The following TMEM143 variants were observed in gnomAD, a reference collection of about 807,000 sequenced individuals.
The protein encoded by TMEM143 is transmembrane protein 143.
In TMEM143, 45 loss-of-function variants were observed where a neutral mutation model predicts 40.3. That is an observed-to-expected ratio of 1.12 (90% confidence interval 0.88 to 1.43). The LOEUF (loss-of-function observed/expected upper bound fraction) is 1.43, where lower values mean the gene tolerates loss of function less well. Ranked by LOEUF, TMEM143 falls within the 40% of genes most tolerant of loss-of-function variation. The pLI is 0.00. For synonymous variants in TMEM143, 299 were observed against 282.7 expected, an observed-to-expected ratio of 1.06 and a Z score of -0.58; for missense variants, 620 against 613.4, an observed-to-expected ratio of 1.01 and a Z score of -0.11.
chr19:48,354,770 C>T (rs1969849186), intron 3 of TMEM143, among the ~76,000 whole-genome samples: 1 of 152,122 alleles, frequency 6.6e-6, no homozygotes, highest in African/African-American at 2.4e-5. Context: ...CCAAGGTCAC[C>T]CGCACCACTA....
At chr19:48,339,873 C>T (rs915238056) in intron 6 of TMEM143, among the ~76,000 whole-genome samples, 6 of 151,992 alleles carry the variant, frequency 3.9e-5, no homozygotes, top group Non-Finnish European at 7.4e-5. Context: ...GGATTTCAGG[C>T]ATGCGCCACC....
At chr19:48,344,428 G>A (rs916053499) in intron 4 of TMEM143, among the ~76,000 whole-genome samples, 7 of 150,878 alleles carry the variant, frequency 4.6e-5, no homozygotes, top group African/African-American at 1.7e-4. Context: ...AGCTGGGACT[G>A]CAGGCCCGCA....
In TMEM143 at chr19:48,363,908, G is replaced by C. The variant is rs199932734; in HGVS notation, c.13C>G (p.Leu5Val). 6.2e-7 allele frequency: 1 copy of C among 1,613,864 alleles called. No individual in the cohort carries two copies. The highest frequency in any genetic ancestry group is 1.3e-5 in the African/African-American group (1 of 75,032). Reference protein sequence around the residue: MTVELWLRLRGKGLA... With the variant: MTVEVWLRLRGKGLA... ...CGATTTCTCCCTCACCTTAGCCAAA[G>C]CTCGACTGTCATTGAGCCTCCTGCG... The change falls in exon 1 of 8, where the codon CTT (leucine) becomes GTT (valine). Residue 5 changes from leucine (L) to valine (V), a missense_variant. Physicochemically the swap from Leu to Val is conservative, Grantham distance 32. Coordinates refer to ENST00000293261, the MANE Select transcript of TMEM143 (RefSeq NM_018273.4).
In TMEM143 at chr19:48,363,283, G is replaced by C; in HGVS notation, c.264+8C>G. 6.2e-7 allele frequency: 1 copy of C among 1,612,000 alleles called. No homozygotes were observed. Among genetic ancestry groups the C allele is most frequent in the Non-Finnish European group, 8.5e-7 (1 of 1,178,866 alleles). On this transcript the variant is annotated splice_region_variant and intron_variant, in intron 2 of 7. Coordinates refer to ENST00000293261, the MANE Select transcript of TMEM143 (RefSeq NM_018273.4). ...TCCCCAGGCTCTTGGGCCTGGGACA[G>C]GCGGTACCTGTATTAGGAGGCGGAG... is the stretch of plus-strand genomic sequence containing the variant.
At chr19:48,345,017 C>A (rs275581) in intron 4 of TMEM143, 143 bp downstream of exon 4, 682,910 of 861,430 alleles carry the variant, frequency 0.79, 271,537 homozygotes, top group Admixed American at 0.88. Flanking sequence ...CAAAAGTAGC[C>A]CCTTCTCTGA....
rs761520512 is a variant in TMEM143, at chr19:48,342,735, G to A, written c.770C>T (p.Thr257Met). The change falls in exon 6 of 8, where the codon ACG (threonine) becomes ATG (methionine). Residue 257 changes from threonine (T) to methionine (M), a missense_variant. Physicochemically the swap from Thr to Met is moderately conservative, Grantham distance 81 (BLOSUM62 -1). Transcript: ENST00000293261. ...GHLVLKSFKD[T>M]PLEGLEQLLP... ...CAGCTGCTCCAGGCCTTCCAGCGGC[G>A]TGTCCTTGAAACTCTTCAGTACCAG... 14 of 1,614,116 alleles carry A rather than the reference G, an allele frequency of 8.7e-6. No homozygotes were observed. The highest frequency in any genetic ancestry group is 6.7e-5 in the East Asian group (3 of 44,884).
intron 6 of TMEM143, 112 bp downstream of exon 6, chr19:48,342,418 G>A (rs1969516308): frequency 1.5e-6 from 2 of 1,308,640 alleles, no homozygotes; most frequent in African/African-American, 1.5e-5. Context: ...GGGAGGGAGG[G>A]AGGGAGGAGA....
At chr19:48,342,173 GGGAGGGGAGGGGAGA>G (rs781533786) in intron 6 of TMEM143, among the ~76,000 whole-genome samples, 1,160 of 112,066 alleles carry the variant, frequency 0.01, 22 homozygotes, top group Middle Eastern at 0.069. Flanking sequence ...GGAGGGGAAG[GGGAGGGGAGGGGAGA>G]GGAGGGGAGG....
At chr19:48,341,758 G>T (rs1969491668) in intron 6 of TMEM143, among the ~76,000 whole-genome samples, 1 of 152,082 alleles carries the variant, frequency 6.6e-6, no homozygotes, top group Non-Finnish European at 1.5e-5. Context: ...AGTAGAGTCA[G>T]ATTCAAATCC....
At chr19:48,362,727 C>T (rs1006710305) in intron 2 of TMEM143, among the ~76,000 whole-genome samples, 1 of 152,134 alleles carries the variant, frequency 6.6e-6, no homozygotes, top group African/African-American at 2.4e-5. Flanking sequence ...TAACCCTAGT[C>T]CTGGGCCAGC....
At chr19:48,336,657 G>A (rs1201337965) in intron 6 of TMEM143, among the ~76,000 whole-genome samples, 3 of 151,848 alleles carry the variant, frequency 2.0e-5, no homozygotes, top group East Asian at 1.9e-4. Context: ...AGCCGAGATC[G>A]TGCCACGGCA....
At position 48,345,197 on chromosome 19, in the gene TMEM143, T is replaced by C. The variant is rs749885068; in HGVS notation, c.527A>G (p.Tyr176Cys). 3.1e-6 allele frequency: 5 copies of C among 1,613,620 alleles called. No homozygotes were observed. The South Asian group carries it at 5.5e-5, about 18-fold the overall frequency. Residue 176 changes from tyrosine to cysteine, a missense_variant, in exon 4 of 8, where the codon TAC becomes TGC. By Grantham distance (194) the Tyr-to-Cys change is radical (BLOSUM62 -2). Coordinates refer to ENST00000293261, the MANE Select transcript of TMEM143 (RefSeq NM_018273.4). ...FSPLSEDTLA[Y>C]ALVVHHPQDE... is the part of the protein sequence containing the mutation. ...CTGAGGGTGGTGGACCACCAGCGCG[T>C]AGGCCAGGGTGTCCTCAGACAGCGG...
chr19:48,334,067 G>C lies in TMEM143; in HGVS notation c.1106C>G (p.Ala369Gly). 1.9e-6 allele frequency: 3 copies of C among 1,582,920 alleles called. No homozygotes were observed. Among genetic ancestry groups the C allele is most frequent in the Non-Finnish European group, 2.6e-6 (3 of 1,166,312 alleles). The change falls in exon 7 of 8, where the codon GCG (alanine) becomes GGG (glycine). Residue 369 changes from alanine (A) to glycine (G), a missense_variant. Physicochemically the swap from Ala to Gly is moderately conservative, Grantham distance 60 (BLOSUM62 0). Coordinates refer to ENST00000293261, the MANE Select transcript of TMEM143 (RefSeq NM_018273.4). ...GGCCAGGAAGCTGTGAGCCAGCAGCGCCTCCTTGGTGTGCTCGTCCTGCGC... is the reference window on the plus strand; with the variant it reads ...GGCCAGGAAGCTGTGAGCCAGCAGCCCCTCCTTGGTGTGCTCGTCCTGCGC... ...LRAQDEHTKEALLAHSFLARR... is the reference protein window; with the variant it reads ...LRAQDEHTKEGLLAHSFLARR...
At chr19:48,335,704 C>A (rs1337592501) in intron 6 of TMEM143, among the ~76,000 whole-genome samples, 2 of 152,038 alleles carry the variant, frequency 1.3e-5, no homozygotes, top group African/African-American at 2.4e-5. Context: ...GCCTGGGCAA[C>A]AAGAATGAAA....
chr19:48,360,326 C>G, intron 2 of TMEM143, 150 bp from the exon 3 acceptor site: 1 of 725,738 alleles, frequency 1.4e-6, no homozygotes, highest in Non-Finnish European at 2.3e-6. Flanking sequence ...CACCTGTAAT[C>G]CCAGCACTTT....
intron 3 of TMEM143, 45 bp from the exon 4 acceptor site, chr19:48,345,399 T>C (rs773700742): frequency 6.9e-7 from 1 of 1,448,746 alleles, no homozygotes; most frequent in Non-Finnish European, 9.2e-7. Flanking sequence ...GGTCTCTGCA[T>C]GAAGGATTCT....
rs1490156477 is a variant in TMEM143 at position 48,342,550 on chromosome 19, T to G, written c.955A>C (p.Met319Leu). The part of the protein sequence containing the change: ...SLLLLLFAIF[M>L]GLRASKMFGQ... ...CTCACCTTGGAGGCCCGCAGGCCCA[T>G]GAAGATGGCGAAGAGCAGCAGCAGC... Residue 319 changes from methionine (M) to leucine (L), a missense_variant, in exon 6 of 8, where the codon ATG (methionine) becomes CTG (leucine). By Grantham distance (15) the Met-to-Leu change is conservative. Coordinates refer to ENST00000293261, the MANE Select transcript of TMEM143 (RefSeq NM_018273.4). 1.2e-6 allele frequency: 2 copies of G among 1,610,630 alleles called. No homozygotes were observed. The highest frequency in any genetic ancestry group is 1.3e-5 in the African/African-American group (1 of 74,970).
intron 3 of TMEM143, among the ~76,000 whole-genome samples, chr19:48,352,018 C>T (rs961921513): frequency 1.5e-4 from 22 of 151,554 alleles, no homozygotes; most frequent in Admixed American, 2.6e-4. Context: ...GAGGCCGAGG[C>T]GGGCGGATCA....
rs541001393 is a variant in TMEM143 at position 48,345,265 on chromosome 19, C to T, written c.459G>A (p.Val153=). The T allele has an allele frequency of 1.9e-6, 3 of 1,612,868 alleles. No individual in the cohort carries two copies. The highest frequency in any genetic ancestry group is 3.3e-5 in the Admixed American group (2 of 59,832). ...CCAGCAGGGGCTCCAGAGCCCGAAG[C>T]ACCTCCTGCTCATTAGACAGACGCT... ...DPQRLSNEQE[V]LRALEPLLAQ... is the part of the protein sequence containing the mutation. The change falls in exon 4 of 8, where the codon GTG becomes GTA. Residue 153 remains valine (V), a synonymous_variant. Coordinates refer to ENST00000293261, the MANE Select transcript of TMEM143 (RefSeq NM_018273.4).
Sources: gnomAD v4.1 joint callset for allele counts (sites outside exome capture counted in the v4.1 genomes callset) on GRCh38, gnomAD v4.1.1 for gene constraint, MANE v1.5 for transcripts, NCBI Gene and HGNC (gene_info 2026-07-23, HGNC 2026-07-21) for gene names.